Variants in SETBP1 observed in about 807,000 individuals in gnomAD.
The protein encoded by SETBP1 is SET binding protein 1, also known as SET-binding protein.
A neutral mutation model predicts 101.0 loss-of-function variants in SETBP1; 9 were observed. The observed-to-expected ratio is 0.09, with a 90% CI of 0.05 to 0.16. The LOEUF (loss-of-function observed/expected upper bound fraction) is 0.16, where lower values mean the gene tolerates loss of function less well. Among genes scored for constraint, SETBP1 ranks in the 10% least tolerant of loss-of-function variants. The pLI, the probability that SETBP1 is intolerant of heterozygous loss-of-function variation, is 1.00. For missense variants in SETBP1, 1,858 were observed against 2,033.8 expected, an observed-to-expected ratio of 0.91 and a Z score of 1.66; for synonymous variants, 818 against 788.5, an observed-to-expected ratio of 1.04 and a Z score of -0.63.
intron 4 of SETBP1, among the ~76,000 whole-genome samples, chr18:44,989,864 G>C (rs536161324): frequency 3.8e-5 from 2 of 52,096 alleles, no homozygotes; most frequent in African/African-American, 5.9e-5. Context: ...GCGAGACTCC[G>C]TCTCAAAAAA....
intron 4 of SETBP1, among the ~76,000 whole-genome samples, chr18:45,030,350 A>G (rs1411999602): frequency 7.8e-6 from 1 of 128,254 alleles, no homozygotes; most frequent in Non-Finnish European, 1.6e-5. Flanking sequence ...CTTGCATCCC[A>G]GGGATGAAGC....
At chr18:44,833,706 C>A (rs1037469333) in intron 2 of SETBP1, among the ~76,000 whole-genome samples, 3 of 152,228 alleles carry the variant, frequency 2.0e-5, no homozygotes, top group Non-Finnish European at 2.9e-5. Flanking sequence ...AGAATACGGT[C>A]TGCAAATGCT....
intron 3 of SETBP1, among the ~76,000 whole-genome samples, chr18:44,945,116 A>G (rs952892226): frequency 6.6e-6 from 1 of 152,174 alleles, no homozygotes; most frequent in African/African-American, 2.4e-5. Context: ...CGTCATTTAC[A>G]TTAGGTATAT....
upstream of SETBP1, among the ~76,000 whole-genome samples, chr18:44,680,695 G>A (rs2068744725): frequency 6.6e-6 from 1 of 152,042 alleles, no homozygotes. Flanking sequence ...GGAAGCTTTG[G>A]GCTGGAGGGC....
At chr18:44,902,109 CA>C (rs1171768631) in intron 3 of SETBP1, among the ~76,000 whole-genome samples, 1 of 152,154 alleles carries the variant, frequency 6.6e-6, no homozygotes, top group Non-Finnish European at 1.5e-5. Context: ...ACACTAGCCA[CA>C]TTTCAAGTAC....
chr18:44,810,583 C>G (rs2071840508), intron 2 of SETBP1, among the ~76,000 whole-genome samples: 1 of 152,164 alleles, frequency 6.6e-6, no homozygotes, highest in South Asian at 2.1e-4. Flanking sequence ...ATTGCCACAG[C>G]TGAGTGAATA....
At chr18:45,041,577 A>C (rs1326852925) in intron 5 of SETBP1, among the ~76,000 whole-genome samples, 1 of 152,234 alleles carries the variant, frequency 6.6e-6, no homozygotes, top group Admixed American at 6.5e-5. Context: ...GAAGAGTTAA[A>C]CTAGGTGGCT....
chr18:44,963,995 A>G (rs1357541528), intron 4 of SETBP1, among the ~76,000 whole-genome samples: 1 of 93,582 alleles, frequency 1.1e-5, no homozygotes, highest in Non-Finnish European at 2.3e-5. Flanking sequence ...AAAAAACAAA[A>G]GAGAGATCCA....
At chr18:44,688,212 C>T (rs1278958656) in intron 1 of SETBP1, among the ~76,000 whole-genome samples, 1 of 152,180 alleles carries the variant, frequency 6.6e-6, no homozygotes, top group East Asian at 1.9e-4. Context: ...ATTTAGTAAA[C>T]AGCAATTTCT....
chr18:44,787,667 A>G (rs1270554546), intron 2 of SETBP1, among the ~76,000 whole-genome samples: 2 of 148,336 alleles, frequency 1.3e-5, no homozygotes, highest in African/African-American at 5.0e-5. Context: ...ATCCTGGCTA[A>G]CAAGGTGAAG....
At chr18:44,971,203 A>C (rs539310720) in intron 4 of SETBP1, among the ~76,000 whole-genome samples, 2 of 151,912 alleles carry the variant, frequency 1.3e-5, no homozygotes, top group African/African-American at 4.8e-5. Flanking sequence ...AAGGACACGA[A>C]CTCATCATTT....
chr18:44,937,752 A>G (rs2070996017), intron 3 of SETBP1, among the ~76,000 whole-genome samples: 1 of 152,124 alleles, frequency 6.6e-6, no homozygotes, highest in Non-Finnish European at 1.5e-5. Flanking sequence ...TCAGACTTCC[A>G]AAATCAATCT....
Position 44,705,167 on chromosome 18 carries a change from T to C in SETBP1, c.486+3335T>C, listed in dbSNP as rs1257463128. ...TGAGCAAATAATGTTTTTTACATTTTTAAAAGGTTGGGAAAACATCAAAAG... is the reference window on the plus strand; with the variant it reads ...TGAGCAAATAATGTTTTTTACATTTCTAAAAGGTTGGGAAAACATCAAAAG... On this transcript the variant is annotated intron_variant, in intron 2 of 5. Coordinates refer to ENST00000649279, the MANE Select transcript of SETBP1 (RefSeq NM_015559.3). 2.6e-5 allele frequency among the ~76,000 whole-genome samples: 4 copies of C among 152,254 alleles called. No homozygotes were observed. In the East Asian group the frequency reaches 5.8e-4, roughly 22 times the overall value.
chr18:45,008,568 G>A (rs1399701295), intron 4 of SETBP1, among the ~76,000 whole-genome samples: 1 of 152,190 alleles, frequency 6.6e-6, no homozygotes, highest in Non-Finnish European at 1.5e-5. Context: ...TGATAGACCA[G>A]ATTTCTACTT....
At chr18:44,981,413 C>T (rs1599406220) in intron 4 of SETBP1, among the ~76,000 whole-genome samples, 1 of 152,338 alleles carries the variant, frequency 6.6e-6, no homozygotes, top group East Asian at 1.9e-4. Context: ...TTACAGTCAC[C>T]TTGTATCTAA....
intron 3 of SETBP1, among the ~76,000 whole-genome samples, chr18:44,906,517 GTCC>G (rs915609885): frequency 6.6e-5 from 10 of 152,180 alleles, no homozygotes; most frequent in Non-Finnish European, 1.5e-4. Context: ...AGAAAAAAAT[GTCC>G]TCCTCTCTTT....
chr18:44,821,778 A>G (rs957607542), intron 2 of SETBP1, among the ~76,000 whole-genome samples: 2 of 152,226 alleles, frequency 1.3e-5, no homozygotes, highest in Non-Finnish European at 2.9e-5. Context: ...ACAAAGAAGC[A>G]GGTTTCAGTT....
At chr18:44,854,576 C>A (rs1347618119) in intron 2 of SETBP1, among the ~76,000 whole-genome samples, 1 of 152,186 alleles carries the variant, frequency 6.6e-6, no homozygotes, top group Admixed American at 6.5e-5. Flanking sequence ...CCTACCCTAC[C>A]ACCTACCCAC....
At chr18:44,687,915 A>C (rs1017084787) in intron 1 of SETBP1, among the ~76,000 whole-genome samples, 1 of 152,172 alleles carries the variant, frequency 6.6e-6, no homozygotes, top group African/African-American at 2.4e-5. Flanking sequence ...CCTGTGTTCA[A>C]TAATAGCTAA....
Sources: allele counts gnomAD v4.1 joint callset (sites outside exome capture counted in the v4.1 genomes callset), GRCh38; gene constraint gnomAD v4.1.1; transcripts MANE v1.5; gene names NCBI Gene and HGNC (gene_info 2026-07-23, HGNC 2026-07-21).